MREG: variants seen among roughly 807,000 people sequenced by gnomAD.
MREG encodes melanoregulin.
MREG carries 31 observed loss-of-function variants against 28.5 expected under a neutral mutation model. The observed-to-expected ratio is 1.09, with a 90% CI of 0.82 to 1.47. The LOEUF is 1.47. Ranked by LOEUF, MREG falls within the 40% of genes most tolerant of loss-of-function variation. MREG has a pLI of 0.00. For synonymous variants in MREG, 106 were observed against 95.2 expected (o/e 1.11, Z -0.66); for missense variants, 256 against 257.4 (o/e 0.99, Z 0.04).
intron 2 of MREG, among the ~76,000 whole-genome samples, chr2:215,978,536 G>C (rs1016771447): frequency 6.6e-6 from 1 of 152,162 alleles, no homozygotes; most frequent in African/African-American, 2.4e-5. Flanking sequence ...CGTTTTATGA[G>C]GCCAGCATCA....
chr2:215,992,570 T>C (rs540824189), intron 2 of MREG, among the ~76,000 whole-genome samples: 12 of 152,232 alleles, frequency 7.9e-5, no homozygotes, highest in Admixed American at 6.5e-4. Flanking sequence ...GCCAGGGCAA[T>C]CAGGCAAGAG....
chr2:215,997,818 G>A (rs1198941762), intron 1 of MREG, among the ~76,000 whole-genome samples: 1 of 152,140 alleles, frequency 6.6e-6, no homozygotes, highest in Non-Finnish European at 1.5e-5. Flanking sequence ...AAAGGCCTGG[G>A]GTGGAAGGAA....
At chr2:215,946,257 T>A (rs1420828109) in intron 3 of MREG, among the ~76,000 whole-genome samples, 1 of 150,638 alleles carries the variant, frequency 6.6e-6, no homozygotes, top group Admixed American at 6.7e-5. Flanking sequence ...AAAAGGCTAT[T>A]AGCTCACAAC....
chr2:216,026,832 CTAAAA>C (rs1179686153), intron 1 of MREG, among the ~76,000 whole-genome samples: 4 of 152,120 alleles, frequency 2.6e-5, no homozygotes, highest in Non-Finnish European at 5.9e-5. Flanking sequence ...CTAGGAATTA[CTAAAA>C]TGTTACTCTG....
At chr2:215,969,234 A>G (rs773675065) in intron 2 of MREG, among the ~76,000 whole-genome samples, 2 of 152,174 alleles carry the variant, frequency 1.3e-5, no homozygotes, top group Non-Finnish European at 1.5e-5. Context: ...TCACCCAGAG[A>G]AGCTTTAATT....
At chr2:216,002,954 T>C (rs1320593263) in intron 1 of MREG, among the ~76,000 whole-genome samples, 1 of 151,522 alleles carries the variant, frequency 6.6e-6, no homozygotes, top group African/African-American at 2.4e-5. Context: ...TCTCTCATTC[T>C]CTCTTTCCTT....
chr2:215,944,851 T>C lies in MREG; in HGVS notation c.*12A>G. The C allele has an allele frequency of 6.4e-7, 1 of 1,572,412 alleles. No individual in the cohort carries two copies. Among genetic ancestry groups the C allele is most frequent in the Non-Finnish European group, 8.7e-7 (1 of 1,147,206 alleles). Reference sequence around the variant, plus strand: ...CATGGAAGAATTCCCATTCTGCCCCTGAGCCTCTCCTTTAGGGACTTGGAA... The same window carrying C: ...CATGGAAGAATTCCCATTCTGCCCCCGAGCCTCTCCTTTAGGGACTTGGAA... On this transcript the variant is annotated 3_prime_UTR_variant, in exon 5 of 5. Transcript: ENST00000263268.
chr2:215,980,126 G>A (rs943699607), intron 2 of MREG, among the ~76,000 whole-genome samples: 13 of 151,640 alleles, frequency 8.6e-5, no homozygotes, highest in African/African-American at 2.4e-4. Flanking sequence ...GCAGCAATGC[G>A]TTGCTGTGAC....
chr2:215,967,339 TG>T (rs1168509452), intron 2 of MREG, among the ~76,000 whole-genome samples: 3 of 152,178 alleles, frequency 2.0e-5, no homozygotes, highest in Non-Finnish European at 4.4e-5. Context: ...AATAGCAGAG[TG>T]GCACTAGTCC....
chr2:215,958,249 A>C (rs984756880), intron 2 of MREG, among the ~76,000 whole-genome samples: 8 of 151,460 alleles, frequency 5.3e-5, no homozygotes, highest in Non-Finnish European at 1.2e-4. Flanking sequence ...TAAAACTTAA[A>C]GTATAATAAT....
Position 215,942,965 on chromosome 2 carries a change from G to C in MREG, c.*1898C>G, listed in dbSNP as rs1165622679. ...AACTTTTAGCTTGCTTATTAAACTA[G>C]GAAGAATTTTCCTGAAACACAGCAG... On this transcript the variant is annotated 3_prime_UTR_variant, in exon 5 of 5. Transcript: ENST00000263268. 3 of 152,722 alleles carry C rather than the reference G, an allele frequency of 2.0e-5. No homozygotes were observed. Among genetic ancestry groups the C allele is most frequent in the Admixed American group, 2.0e-4 (3 of 15,284 alleles). 9.5% of individuals were successfully genotyped at this position (152,722 alleles called of 1,614,324 possible).
At chr2:215,974,448 G>A (rs1693186420) in intron 2 of MREG, among the ~76,000 whole-genome samples, 1 of 152,000 alleles carries the variant, frequency 6.6e-6, no homozygotes, top group Non-Finnish European at 1.5e-5. Flanking sequence ...CCTCCTCGAT[G>A]CCCCACCTGA....
intron 2 of MREG, among the ~76,000 whole-genome samples, chr2:215,955,695 GA>G (rs200791220): frequency 6.6e-6 from 1 of 152,104 alleles, no homozygotes; most frequent in Non-Finnish European, 1.5e-5. Flanking sequence ...CTAAAAGATA[GA>G]AAAAAATGTA....
chr2:215,968,643 A>G (rs76500843), intron 2 of MREG, among the ~76,000 whole-genome samples: 2 of 152,162 alleles, frequency 1.3e-5, no homozygotes, highest in African/African-American at 4.8e-5. Context: ...TCCCCTCTGT[A>G]GCCTACAATC....
chr2:216,005,649 C>T (rs756144142), intron 1 of MREG, among the ~76,000 whole-genome samples: 80 of 151,762 alleles, frequency 5.3e-4, no homozygotes, highest in Non-Finnish European at 1.0e-3. Flanking sequence ...CACAGGGTTT[C>T]ACCATGTTGG....
intron 2 of MREG, among the ~76,000 whole-genome samples, chr2:215,968,354 G>A (rs535779248): frequency 2.0e-5 from 3 of 152,138 alleles, no homozygotes; most frequent in South Asian, 2.1e-4. Flanking sequence ...ATCTTGCTTC[G>A]GCAGGATAGT....
At chr2:216,027,167 T>C (rs1429356672) in intron 1 of MREG, among the ~76,000 whole-genome samples, 9 of 152,246 alleles carry the variant, frequency 5.9e-5, no homozygotes, top group African/African-American at 1.7e-4. Flanking sequence ...TCATCTCTTA[T>C]TGGTAAAATG....
downstream of MREG, among the ~76,000 whole-genome samples, chr2:215,941,000 C>A (rs547358203): frequency 1.3e-5 from 2 of 152,314 alleles, no homozygotes; most frequent in African/African-American, 4.8e-5. Flanking sequence ...CTATTCTAGC[C>A]AAGGTTTCAC....
intron 1 of MREG, among the ~76,000 whole-genome samples, chr2:216,028,291 GGATCACGAGGTCAGGAGATCGA>G (rs926540422): frequency 1.4e-4 from 22 of 152,164 alleles, no homozygotes; most frequent in East Asian, 7.7e-4. Context: ...TGAGGCAGAT[GGATCACGAGGTCAGGAGATCGA>G]GATCACGAGG....
Sources: gnomAD v4.1 joint callset for allele counts (sites outside exome capture counted in the v4.1 genomes callset) on GRCh38, gnomAD v4.1.1 for gene constraint, MANE v1.5 for transcripts, NCBI Gene and HGNC (gene_info 2026-07-23, HGNC 2026-07-21) for gene names.